Variants in MOB1B observed in about 807,000 individuals in gnomAD.
The protein encoded by MOB1B is MOB kinase activator 1B, also known as MOB1 Mps One Binder homolog B.
MOB1B carries 19 observed loss-of-function variants against 24.4 expected under a neutral mutation model. The observed-to-expected ratio is 0.78, with a 90% CI of 0.54 to 1.14. The LOEUF (loss-of-function observed/expected upper bound fraction) is 1.14, where lower values mean the gene tolerates loss of function less well. Among genes scored for constraint, MOB1B ranks in the 50% most tolerant of loss-of-function variants. The pLI is 0.00. For synonymous variants in MOB1B, 76 were observed against 82.1 expected, an observed-to-expected ratio of 0.93 and a Z score of 0.40; for missense variants, 243 against 259.6, an observed-to-expected ratio of 0.94 and a Z score of 0.44.
chr4:70,975,303 T>G lies in MOB1B; in HGVS notation c.409+17T>G. 6.2e-7 allele frequency: 1 copy of G among 1,608,618 alleles called. No homozygotes were observed. Among genetic ancestry groups the G allele is most frequent in the South Asian group, 1.1e-5 (1 of 89,700 alleles). ...CAAAAATTGGTATAATTAATTTTTG[T>G]AAGGGGGATCCATCATGATTTATCT... On this transcript the variant is annotated intron_variant, in intron 4 of 5. Coordinates refer to ENST00000309395, the MANE Select transcript of MOB1B (RefSeq NM_173468.4).
At chr4:70,972,372 A>T (rs1330194895) in intron 3 of MOB1B, among the ~76,000 whole-genome samples, 1 of 151,722 alleles carries the variant, frequency 6.6e-6, no homozygotes, top group Non-Finnish European at 1.5e-5. Context: ...ATGCCACCAT[A>T]CCCGGCTATT....
At chr4:70,915,314 A>G (rs936105346) in intron 1 of MOB1B, among the ~76,000 whole-genome samples, 1 of 152,212 alleles carries the variant, frequency 6.6e-6, no homozygotes, top group African/African-American at 2.4e-5. Flanking sequence ...AATTGGACAA[A>G]ATGCACAGAC....
rs1474485643 is a variant in MOB1B at position 70,982,284 on chromosome 4, GT to G, written c.*232del. On this transcript the variant is annotated 3_prime_UTR_variant, in exon 6 of 6. Coordinates refer to ENST00000309395, the MANE Select transcript of MOB1B (RefSeq NM_173468.4). ...TTGATAAGGGTAAATTTATCTTAGT[GT>G]TTTTAAACTTGGTTTTGGTTACTTG... 2 of 343,398 alleles carry G rather than the reference GT, an allele frequency of 5.8e-6. No homozygotes were observed. Among genetic ancestry groups the G allele is most frequent in the Admixed American group, 4.7e-5 (1 of 21,210 alleles). 21.3% of individuals were successfully genotyped at this position (343,398 alleles called of 1,614,324 possible).
At chr4:70,957,281 GA>G (rs1476697867) in intron 1 of MOB1B, among the ~76,000 whole-genome samples, 67 of 130,354 alleles carry the variant, frequency 5.1e-4, no homozygotes, top group Non-Finnish European at 7.1e-4. Flanking sequence ...AAAAAAAACA[GA>G]AAAAAAAAAG....
intron 1 of MOB1B, among the ~76,000 whole-genome samples, chr4:70,917,767 T>G (rs1560631412): frequency 6.6e-6 from 1 of 152,210 alleles, no homozygotes; most frequent in South Asian, 2.1e-4. Flanking sequence ...AATCCCTTTA[T>G]AAAATGTTTA....
At position 70,985,021 on chromosome 4, in the gene MOB1B, T is replaced by TGGTA. The variant is rs1305790358; in HGVS notation, c.*2964_*2965insGGTA. The TGGTA allele has an allele frequency of 2.6e-5, 4 of 151,900 alleles. No individual in the cohort carries two copies. Among genetic ancestry groups the TGGTA allele is most frequent in the Non-Finnish European group, 5.9e-5 (4 of 68,022 alleles). 9.4% of individuals were successfully genotyped at this position (151,900 alleles called of 1,614,324 possible). ...AGGAGAAGATACGTTTTATGTATAA[T>TGGTA]ATATCTCAGACTGAGTTACTGCCTG... On this transcript the variant is annotated 3_prime_UTR_variant, in exon 6 of 6. Coordinates refer to ENST00000309395, the MANE Select transcript of MOB1B (RefSeq NM_173468.4).
chr4:70,915,377 T>C (rs750095419), intron 1 of MOB1B, among the ~76,000 whole-genome samples: 3 of 152,134 alleles, frequency 2.0e-5, no homozygotes, highest in Non-Finnish European at 4.4e-5. Flanking sequence ...CACTCCACAG[T>C]GTGGGAGCAG....
chr4:70,969,711 AAAT>A (rs754485778), intron 2 of MOB1B, among the ~76,000 whole-genome samples: 1 of 152,174 alleles, frequency 6.6e-6, no homozygotes, highest in Non-Finnish European at 1.5e-5. Flanking sequence ...TATGCGTTGC[AAAT>A]AATCTCTTCA....
At chr4:70,927,323 G>C (rs140243116) in intron 1 of MOB1B, among the ~76,000 whole-genome samples, 6,913 of 152,214 alleles carry the variant, frequency 0.045, 298 homozygotes, top group African/African-American at 0.11. Flanking sequence ...CAGATCATCT[G>C]AGATCAGGAG....
intron 2 of MOB1B, among the ~76,000 whole-genome samples, chr4:70,962,719 C>A (rs1044316951): frequency 6.6e-6 from 1 of 152,018 alleles, no homozygotes; most frequent in African/African-American, 2.4e-5. Flanking sequence ...ATTTAAGAGG[C>A]CGGGCACGGT....
intron 1 of MOB1B, among the ~76,000 whole-genome samples, chr4:70,903,167 G>A (rs2148862740): frequency 6.6e-6 from 1 of 152,300 alleles, no homozygotes; most frequent in South Asian, 2.1e-4. Flanking sequence ...CCGCCCCCTT[G>A]CTTCCTAGAG....
chr4:70,911,963 C>G (rs1192739895), intron 1 of MOB1B, among the ~76,000 whole-genome samples: 1 of 148,398 alleles, frequency 6.7e-6, no homozygotes, highest in Non-Finnish European at 1.5e-5. Flanking sequence ...AAGGCACTAT[C>G]TTGACTCACT....
chr4:70,905,369 G>T (rs1030535521), intron 1 of MOB1B, among the ~76,000 whole-genome samples: 1 of 151,116 alleles, frequency 6.6e-6, no homozygotes, highest in Admixed American at 6.6e-5. Flanking sequence ...CCCCCTCCCC[G>T]CTACAAGTAG....
chr4:70,928,504 T>G (rs969729541), intron 1 of MOB1B, among the ~76,000 whole-genome samples: 1 of 151,938 alleles, frequency 6.6e-6, no homozygotes, highest in Non-Finnish European at 1.5e-5. Flanking sequence ...ACCATGTTGT[T>G]CAGGCTGGTC....
intron 1 of MOB1B, among the ~76,000 whole-genome samples, chr4:70,923,288 A>G (rs897325226): frequency 4.6e-5 from 7 of 152,140 alleles, no homozygotes; most frequent in African/African-American, 1.7e-4. Context: ...GCTGAGGTCC[A>G]CAGGATCCCC....
intron 1 of MOB1B, among the ~76,000 whole-genome samples, chr4:70,922,422 G>A (rs528521718): frequency 4.6e-5 from 7 of 152,140 alleles, no homozygotes; most frequent in Admixed American, 2.0e-4. Context: ...ACATTGGTTC[G>A]TTCCAGAAAG....
chr4:70,972,182 G>A lies in MOB1B; in HGVS notation c.275+2158G>A, dbSNP rs557884283. On this transcript the variant is annotated intron_variant, in intron 3 of 5. Coordinates refer to ENST00000309395, the MANE Select transcript of MOB1B (RefSeq NM_173468.4). ...GCAAAGTGGTATTGAATGATGGCTC[G>A]TAGAACTTTGTTCTCAGATACTGTT... Among the ~76,000 whole-genome samples, 14 of 152,124 alleles carry A rather than the reference G, an allele frequency of 9.2e-5. No individual in the cohort carries two copies. The East Asian group carries it at 1.2e-3, about 13-fold the overall frequency.
chr4:70,953,366 AAG>A lies in MOB1B; in HGVS notation c.15-5505_15-5504del, dbSNP rs554351037. ...GAGAAAACCTAACAAAGATTTTAAA[AAG>A]AGTATTTTTTAAAAGTATTACGTGG... On this transcript the variant is annotated intron_variant, in intron 1 of 5. Coordinates refer to ENST00000309395, the MANE Select transcript of MOB1B (RefSeq NM_173468.4). 1.6e-4 allele frequency among the ~76,000 whole-genome samples: 24 copies of A among 152,304 alleles called. No homozygotes were observed. The South Asian group carries it at 4.8e-3, about 30-fold the overall frequency.
rs781689627 is a variant in MOB1B, at chr4:70,975,214, A to G, written c.337A>G (p.Lys113Glu). 4 of 1,613,434 alleles carry G rather than the reference A, an allele frequency of 2.5e-6. No homozygotes were observed. The highest frequency in any genetic ancestry group is 3.4e-6 in the Non-Finnish European group (4 of 1,179,730). The stretch of plus-strand genomic sequence containing the variant: ...GAAACCTATTAAGTGCTCTGCACCA[A>G]AGTATATTGATTACTTGATGACTTG... Reference protein sequence around the residue: ...IKKPIKCSAPKYIDYLMTWVQ... With the variant: ...IKKPIKCSAPEYIDYLMTWVQ... Residue 113 changes from lysine to glutamate, a missense_variant, in exon 4 of 6, where the codon AAG becomes GAG. By Grantham distance (56) the Lys-to-Glu change is moderately conservative (BLOSUM62 1). Coordinates refer to ENST00000309395, the MANE Select transcript of MOB1B (RefSeq NM_173468.4).
Sources: gnomAD v4.1 joint callset for allele counts (sites outside exome capture counted in the v4.1 genomes callset) on GRCh38, gnomAD v4.1.1 for gene constraint, MANE v1.5 for transcripts, NCBI Gene and HGNC (gene_info 2026-07-23, HGNC 2026-07-21) for gene names.